CYP4F22: variants seen among roughly 807,000 people sequenced by gnomAD.
CYP4F22 encodes the protein cytochrome P450 family 4 subfamily F member 22.
Under a neutral mutation model 60.4 loss-of-function variants are expected in CYP4F22, and 37 were observed. The ratio of observed to expected loss-of-function variants is 0.61; its 90% CI spans 0.47 to 0.81. CYP4F22 has a LOEUF of 0.81. Ranked by LOEUF, CYP4F22 falls within the 30% of genes least tolerant of loss-of-function variation. The pLI is 0.00. For missense variants in CYP4F22, 655 were observed against 715.0 expected, an observed-to-expected ratio of 0.92 and a Z score of 0.96; for synonymous variants, 258 against 280.5, an observed-to-expected ratio of 0.92 and a Z score of 0.80.
Position 15,543,670 on chromosome 19 carries a change from A to C in CYP4F22, c.940-301A>C, listed in dbSNP as rs1367425237. On this transcript the variant is annotated intron_variant, in intron 8 of 13. Transcript: ENST00000269703. ...CCACGAGTTCGAGACCGGCCTGGCCAATATGGCAAAATTGCATCTCTACTA... is the reference window on the plus strand; with the variant it reads ...CCACGAGTTCGAGACCGGCCTGGCCCATATGGCAAAATTGCATCTCTACTA... Among the ~76,000 whole-genome samples, 4 of 152,122 alleles carry C rather than the reference A, an allele frequency of 2.6e-5. No individual in the cohort carries two copies. The East Asian group carries it at 7.7e-4, about 29-fold the overall frequency.
At chr19:15,524,680 G>GAGAA (rs34409297) in intron 2 of CYP4F22, among the ~76,000 whole-genome samples, 85,840 of 148,922 alleles carry the variant, frequency 0.58, 26,202 homozygotes, top group Non-Finnish European at 0.69. Flanking sequence ...GAGAGAGAGA[G>GAGAA]AGAAAGAAAG....
At chr19:15,526,907 C>G (rs1464491270) in intron 3 of CYP4F22, among the ~76,000 whole-genome samples, 1 of 152,086 alleles carries the variant, frequency 6.6e-6, no homozygotes, top group African/African-American at 2.4e-5. Context: ...TGCATGCCCC[C>G]ACGCCTGGCT....
At chr19:15,539,556 C>T (rs1971435310) in intron 7 of CYP4F22, among the ~76,000 whole-genome samples, 1 of 152,190 alleles carries the variant, frequency 6.6e-6, no homozygotes, top group Admixed American at 6.5e-5. Context: ...TACCTAGGAG[C>T]AGAATTGCTG....
At chr19:15,537,332 A>G (rs368916782) in intron 4 of CYP4F22, 29 bp from the exon 5 acceptor site, 2 of 1,613,626 alleles carry the variant, frequency 1.2e-6, no homozygotes, top group East Asian at 4.5e-5. Context: ...CTCTGTTTTG[A>G]GTCACCATTT....
At position 15,530,314 on chromosome 19, in the gene CYP4F22, C is replaced by T. The variant is rs114854107; in HGVS notation, c.367+461C>T. ...TCTTCCTCGTGCAGTCCACACCTAT[C>T]CCAAGATGTGAGACTTCCAAGTCTG... On this transcript the variant is annotated intron_variant, in intron 4 of 13. Transcript: ENST00000269703. 7.4e-3 allele frequency among the ~76,000 whole-genome samples: 1,122 copies of T among 152,270 alleles called. 21 individuals are homozygous for T. Among genetic ancestry groups the T allele is most frequent in the African/African-American group, 0.024 (1,012 of 41,546 alleles).
At position 15,537,656 on chromosome 19, in the gene CYP4F22, T is replaced by G. The variant is rs571757470; in HGVS notation, c.543T>G (p.Ile181Met). 3 of 1,612,730 alleles carry G rather than the reference T, an allele frequency of 1.9e-6. No homozygotes were observed. In the East Asian group the frequency reaches 6.7e-5, roughly 36 times the overall value. ...AGATCTTCAACCAGAGCGCTGACAT[T>G]ATGCATGTGAGTCCTAAGGCTTTGA... is the stretch of plus-strand genomic sequence containing the variant. ...YMKIFNQSAD[I>M]MHAKWRHLAE... Residue 181 changes from isoleucine (I) to methionine (M), a missense_variant, in exon 6 of 14, where the codon ATT (isoleucine) becomes ATG (methionine). Ile to Met is a conservative substitution (Grantham distance 10). Around this residue, in one of 3 missense-constraint regions of CYP4F22, gnomAD observed 430 missense variants for 457.1 expected, o/e 0.94. Transcript: ENST00000269703.
chr19:15,551,463 C>A lies in CYP4F22; in HGVS notation c.1588C>A (p.Arg530=). The A allele has an allele frequency of 6.4e-7, 1 of 1,558,968 alleles. No individual in the cohort carries two copies. Among genetic ancestry groups the A allele is most frequent in the Non-Finnish European group, 8.7e-7 (1 of 1,152,256 alleles). ...LWLKVEPLPP[R]A ...GCTCAAGGTGGAGCCGCTGCCTCCG[C>A]GGGCCTGAGCGTGGGCGCGCCCCTG... The change falls in exon 14 of 14, where the codon CGG becomes AGG. Residue 530 remains arginine, a synonymous_variant. Coordinates refer to ENST00000269703, the MANE Select transcript of CYP4F22 (RefSeq NM_173483.4).
chr19:15,521,083 A>G (rs1392715161), intron 1 of CYP4F22, among the ~76,000 whole-genome samples: 2 of 151,816 alleles, frequency 1.3e-5, no homozygotes, highest in Non-Finnish European at 2.9e-5. Flanking sequence ...GGCTTATTTC[A>G]CTGAACAGGA....
intron 8 of CYP4F22, among the ~76,000 whole-genome samples, chr19:15,541,842 T>C (rs985364622): frequency 1.4e-5 from 2 of 142,458 alleles, no homozygotes; most frequent in Admixed American, 1.4e-4. Context: ...ATCATGCCAT[T>C]GCACTCAAGT....
At chr19:15,536,187 A>T (rs1971392404) in intron 4 of CYP4F22, among the ~76,000 whole-genome samples, 2 of 151,692 alleles carry the variant, frequency 1.3e-5, no homozygotes, top group African/African-American at 4.8e-5. Flanking sequence ...CAAAATTAAA[A>T]AATTAGCCAG....
chr19:15,509,889 C>T lies in CYP4F22; in HGVS notation c.-109+1306C>T, dbSNP rs1214879355. On this transcript the variant is annotated intron_variant, in intron 1 of 13. Transcript: ENST00000269703. ...CCTTCCTTCCTTCCTTCCTTCCTTC[C>T]TTCCTTCCTTCCTTCCTTTCTTTCT... 1.8e-3 allele frequency among the ~76,000 whole-genome samples: 214 copies of T among 117,442 alleles called. 2 individuals are homozygous for T. The highest frequency in any genetic ancestry group is 8.4e-3 in the East Asian group (26 of 3,102). The allele number at this position is 117,442 out of a possible 152,430, so 77.0% of individuals were successfully genotyped here. A position where few individuals can be genotyped will look rare whatever the true frequency, so the allele number is the denominator to read the frequency against.
chr19:15,534,597 G>A (rs1971376338), intron 4 of CYP4F22, among the ~76,000 whole-genome samples: 2 of 152,138 alleles, frequency 1.3e-5, no homozygotes, highest in African/African-American at 2.4e-5. Context: ...GACTGCAGGT[G>A]TGAATCATTG....
chr19:15,536,970 A>G (rs1397179929), intron 4 of CYP4F22, among the ~76,000 whole-genome samples: 1 of 152,056 alleles, frequency 6.6e-6, no homozygotes, highest in Non-Finnish European at 1.5e-5. Flanking sequence ...AGTGAGGAGG[A>G]CTAAGGAAGT....
rs370294571 is a variant in CYP4F22 at position 15,551,615 on chromosome 19, G to A, written c.*144G>A. 711 of 1,059,534 alleles carry A rather than the reference G, an allele frequency of 6.7e-4. 2 individuals carry two copies. The African/African-American group carries it at 0.01, about 15-fold the overall frequency. The allele number at this position is 1,059,534 out of a possible 1,614,324, so 65.6% of individuals were successfully genotyped here. On this transcript the variant is annotated 3_prime_UTR_variant, in exon 14 of 14. Transcript: ENST00000269703. ...GATGACCAGGCACCGCTGTTGAGCA[G>A]CCTGGTGGTACTGGCCACGCCCCTC...
chr19:15,536,441 T>C (rs1971395643), intron 4 of CYP4F22, among the ~76,000 whole-genome samples: 1 of 152,138 alleles, frequency 6.6e-6, no homozygotes, highest in Admixed American at 6.5e-5. Flanking sequence ...AGGCAAATGA[T>C]TCAGGGCTTT....
intron 10 of CYP4F22, among the ~76,000 whole-genome samples, chr19:15,544,928 A>G (rs556353020): frequency 6.6e-6 from 1 of 152,176 alleles, no homozygotes; most frequent in African/African-American, 2.4e-5. Flanking sequence ...AGGTACGGTC[A>G]TGGGTGCCTG....
rs760569775 is a variant in CYP4F22 at position 15,551,334 on chromosome 19, G to T, written c.1459G>T (p.Val487Leu). The T allele has an allele frequency of 1.2e-6, 2 of 1,613,610 alleles. No homozygotes were observed. Among genetic ancestry groups the T allele is most frequent in the Non-Finnish European group, 1.7e-6 (2 of 1,179,788 alleles). The change falls in exon 14 of 14, where the codon GTG becomes TTG. Residue 487 changes from valine to leucine, a missense_variant. Transcript: ENST00000269703. ...GAGCTTCGCCATGGCCGAGTTGCGC[G>T]TGGTTGTGGCACTAACACTGCTACG... ...GQSFAMAELR[V>L]VVALTLLRFR... is the part of the protein sequence containing the mutation.
chr19:15,538,508 A>C lies in CYP4F22; in HGVS notation c.671+515A>C, dbSNP rs1164327031. On this transcript the variant is annotated intron_variant, in intron 7 of 13. Coordinates refer to ENST00000269703, the MANE Select transcript of CYP4F22 (RefSeq NM_173483.4). ...CCTTGCTTCATTAATTCATTCATTC[A>C]TCAAATATTCATTGTGCACCTACTA... Among the ~76,000 whole-genome samples the C allele has an allele frequency of 2.6e-5, 4 of 152,258 alleles. No homozygotes were observed. In the East Asian group the frequency reaches 7.7e-4, roughly 29 times the overall value.
intron 12 of CYP4F22, 54 bp downstream of exon 12, chr19:15,549,256 C>T: frequency 1.9e-6 from 3 of 1,589,038 alleles, no homozygotes; most frequent in Non-Finnish European, 2.6e-6. Context: ...CCCCTGCGCC[C>T]CAGGGAGCCA....
Sources: gnomAD v4.1 joint callset for allele counts (sites outside exome capture counted in the v4.1 genomes callset) on GRCh38, gnomAD v4.1.1 for gene constraint, gnomAD v4.1.1 regional missense constraint, MANE v1.5 for transcripts, NCBI Gene and HGNC (gene_info 2026-07-23, HGNC 2026-07-21) for gene names.